The following LRRC7 variants were observed in gnomAD, a reference collection of about 807,000 sequenced individuals.
The protein encoded by LRRC7 is leucine rich repeat containing 7.
In LRRC7, 23 loss-of-function variants were observed where a neutral mutation model predicts 175.7. The ratio of observed to expected loss-of-function variants is 0.13; its 90% CI spans 0.09 to 0.19. The LOEUF is 0.19. Ranked by LOEUF, LRRC7 falls within the 10% of genes least tolerant of loss-of-function variation. The probability of loss-of-function intolerance (pLI) is 1.00; values close to 1 mark genes in which losing one functional copy is unlikely to be tolerated. For synonymous variants in LRRC7, 685 were observed against 680.9 expected, an observed-to-expected ratio of 1.01 and a Z score of -0.09; for missense variants, 1,354 against 1,904.7, an observed-to-expected ratio of 0.71 and a Z score of 5.38.
At chr1:70,033,283 C>CA (rs954145541) in intron 18 of LRRC7, among the ~76,000 whole-genome samples, 1 of 151,576 alleles carries the variant, frequency 6.6e-6, no homozygotes, top group Admixed American at 6.6e-5. Context: ...ATCTGCAGAA[C>CA]AAAAAATGAT....
chr1:69,834,708 A>G (rs552905239), intron 5 of LRRC7, 72 bp from the exon 6 acceptor site: 3 of 1,083,586 alleles, frequency 2.8e-6, no homozygotes, highest in Admixed American at 3.7e-5. Context: ...TTCTCCTCAG[A>G]GATACATATT....
At chr1:70,012,165 T>C (rs572779390) in intron 12 of LRRC7, among the ~76,000 whole-genome samples, 1 of 152,150 alleles carries the variant, frequency 6.6e-6, no homozygotes, top group Admixed American at 6.5e-5. Context: ...AAAAGTTAAT[T>C]AATGCTAGGA....
chr1:70,014,325 G>A (rs1656786636), intron 13 of LRRC7, among the ~76,000 whole-genome samples: 1 of 151,962 alleles, frequency 6.6e-6, no homozygotes, highest in South Asian at 2.1e-4. Context: ...ATAATTAGAA[G>A]TTCTATTAAT....
At chr1:70,066,499 G>T (rs1347616483) in intron 23 of LRRC7, among the ~76,000 whole-genome samples, 2 of 151,924 alleles carry the variant, frequency 1.3e-5, no homozygotes, top group African/African-American at 4.8e-5. Flanking sequence ...GTAACCTTTT[G>T]GGATTGGCTT....
intron 4 of LRRC7, among the ~76,000 whole-genome samples, chr1:69,806,782 C>A: frequency 6.6e-6 from 1 of 151,868 alleles, no homozygotes; most frequent in East Asian, 1.9e-4. Context: ...GTGTATGTGG[C>A]TGTTTGCCTA....
At chr1:69,915,846 C>T (rs1646670288) in intron 7 of LRRC7, among the ~76,000 whole-genome samples, 1 of 150,868 alleles carries the variant, frequency 6.6e-6, no homozygotes. Context: ...CCTATATTAA[C>T]TATTTTAATC....
At chr1:69,960,103 T>A (rs1334050910) in intron 8 of LRRC7, among the ~76,000 whole-genome samples, 2 of 152,126 alleles carry the variant, frequency 1.3e-5, no homozygotes, top group Non-Finnish European at 2.9e-5. Flanking sequence ...CAGCTGTGAA[T>A]CCGTCTGGTC....
At chr1:69,590,351 C>A (rs553769548) in intron 1 of LRRC7, among the ~76,000 whole-genome samples, 2 of 152,086 alleles carry the variant, frequency 1.3e-5, no homozygotes. Flanking sequence ...TGATATAGCA[C>A]GTGGTAGGTG....
chr1:69,957,264 T>C (rs1327098717), intron 8 of LRRC7, among the ~76,000 whole-genome samples: 1 of 151,882 alleles, frequency 6.6e-6, no homozygotes, highest in African/African-American at 2.4e-5. Flanking sequence ...CTTGCCTGCC[T>C]CTAATGAAGT....
chr1:69,633,634 G>A lies in LRRC7; in HGVS notation c.3-44747G>A, dbSNP rs568690894. Among the ~76,000 whole-genome samples, 18 of 151,996 alleles carry A rather than the reference G, an allele frequency of 1.2e-4. No homozygotes were observed. In the South Asian group the frequency reaches 3.1e-3, roughly 26 times the overall value. On this transcript the variant is annotated intron_variant, in intron 1 of 26. Transcript: ENST00000651989. ...GGCAGAGATAGTATTTCACCATGTT[G>A]GCCAGGCCGATTATGAATTCCTGAC... is the stretch of plus-strand genomic sequence containing the variant.
intron 3 of LRRC7, among the ~76,000 whole-genome samples, chr1:69,761,703 G>A (rs1176028552): frequency 6.6e-6 from 1 of 151,912 alleles, no homozygotes; most frequent in Non-Finnish European, 1.5e-5. Flanking sequence ...TAGACTGTCT[G>A]TTGTACCAGA....
chr1:69,826,148 A>G (rs990103283), intron 5 of LRRC7, among the ~76,000 whole-genome samples: 4 of 152,154 alleles, frequency 2.6e-5, no homozygotes, highest in African/African-American at 9.6e-5. Context: ...ATGGTGGAAA[A>G]CTAGCATCAA....
intron 3 of LRRC7, among the ~76,000 whole-genome samples, chr1:69,767,434 T>A (rs1212887866): frequency 2.0e-5 from 3 of 152,040 alleles, no homozygotes; most frequent in Non-Finnish European, 4.4e-5. Context: ...CCTCCAGTAT[T>A]TAGGGTTTTG....
chr1:69,612,160 T>C (rs1480718823), intron 1 of LRRC7, among the ~76,000 whole-genome samples: 1 of 152,070 alleles, frequency 6.6e-6, no homozygotes, highest in Non-Finnish European at 1.5e-5. Flanking sequence ...TGAATAAATG[T>C]ATTTAAGCAA....
At chr1:69,973,556 G>A (rs1652490080) in intron 8 of LRRC7, among the ~76,000 whole-genome samples, 1 of 152,158 alleles carries the variant, frequency 6.6e-6, no homozygotes, top group Non-Finnish European at 1.5e-5. Context: ...TTTTCTTTGT[G>A]TTAATATTGA....
At chr1:69,804,639 T>C (rs1380921421) in intron 4 of LRRC7, among the ~76,000 whole-genome samples, 2 of 151,656 alleles carry the variant, frequency 1.3e-5, no homozygotes, top group African/African-American at 4.8e-5. Context: ...TATTCTTCCT[T>C]TCTAAATTCT....
chr1:69,779,005 T>A (rs542222239), intron 3 of LRRC7, among the ~76,000 whole-genome samples: 1 of 136,612 alleles, frequency 7.3e-6, no homozygotes, highest in East Asian at 2.3e-4. Context: ...TACACATATA[T>A]ACACACACAC....
intron 1 of LRRC7, among the ~76,000 whole-genome samples, chr1:69,647,076 T>C (rs1655107988): frequency 2.0e-5 from 3 of 152,090 alleles, no homozygotes. Context: ...TAGAAATGTA[T>C]TATGGGCACA....
At chr1:70,033,077 T>A (rs1658932864) in intron 18 of LRRC7, among the ~76,000 whole-genome samples, 1 of 152,222 alleles carries the variant, frequency 6.6e-6, no homozygotes, top group Non-Finnish European at 1.5e-5. Context: ...AGTGATTTAT[T>A]TCCTTTGTTG....
Sources: gnomAD v4.1 joint callset for allele counts (sites outside exome capture counted in the v4.1 genomes callset) on GRCh38, gnomAD v4.1.1 for gene constraint, MANE v1.5 for transcripts, NCBI Gene and HGNC (gene_info 2026-07-23, HGNC 2026-07-21) for gene names.